The following PCDH15 variants were observed in gnomAD, a reference collection of about 807,000 sequenced individuals.
PCDH15 encodes protocadherin-15.
Under a neutral mutation model 178.5 loss-of-function variants are expected in PCDH15, and 129 were observed. That is an observed-to-expected ratio of 0.72 (90% confidence interval 0.63 to 0.84). The LOEUF (loss-of-function observed/expected upper bound fraction) is 0.84, where lower values mean the gene tolerates loss of function less well. PCDH15 is among the 40% of genes least tolerant of loss of function. PCDH15 has a pLI of 0.00. For missense variants in PCDH15, 2,230 were observed against 2,099.9 expected, an observed-to-expected ratio of 1.06 and a Z score of -1.21; for synonymous variants, 800 against 732.0, an observed-to-expected ratio of 1.09 and a Z score of -1.50.
chr10:54,574,550 T>C (rs945930947), intron 2 of PCDH15, among the ~76,000 whole-genome samples: 2 of 147,550 alleles, frequency 1.4e-5, no homozygotes, highest in Non-Finnish European at 3.0e-5. Context: ...CGTGAAAAAA[T>C]GCTCATCATC....
Position 53,973,064 on chromosome 10 carries a change from G to A in PCDH15, c.2869-11172C>T, listed in dbSNP as rs911526495. Among the ~76,000 whole-genome samples, 45 of 152,102 alleles carry A rather than the reference G, an allele frequency of 3.0e-4. 1 individual carries two copies. The highest frequency in any genetic ancestry group is 2.2e-3 in the Admixed American group (34 of 15,268). Reference sequence around the variant, plus strand: ...CCCAAATGTCCATCAATGATAGACCGGATTAAGAAAATGTGGCACATATAC... The same window carrying A: ...CCCAAATGTCCATCAATGATAGACCAGATTAAGAAAATGTGGCACATATAC... On this transcript the variant is annotated intron_variant, in intron 21 of 37. Coordinates refer to ENST00000644397, the MANE Select transcript of PCDH15 (RefSeq NM_001384140.1).
At chr10:55,443,798 G>A (rs977820230) in intron 2 of PCDH15, among the ~76,000 whole-genome samples, 1 of 152,038 alleles carries the variant, frequency 6.6e-6, no homozygotes, top group African/African-American at 2.4e-5. Context: ...ATACCCAAAG[G>A]ATTATAAATC....
At chr10:54,110,261 A>T (rs2094993232) in intron 15 of PCDH15, among the ~76,000 whole-genome samples, 1 of 151,914 alleles carries the variant, frequency 6.6e-6, no homozygotes, top group Non-Finnish European at 1.5e-5. Flanking sequence ...ACATAAATAC[A>T]ATGAAGGTAA....
chr10:53,892,835 C>A (rs553075298), intron 26 of PCDH15, among the ~76,000 whole-genome samples: 13 of 151,998 alleles, frequency 8.6e-5, no homozygotes, highest in Non-Finnish European at 1.9e-4. Context: ...GCGATATATT[C>A]TTTAAAAATA....
At position 55,471,000 on chromosome 10, in the gene PCDH15, G is replaced by A. The variant is rs188090744; in HGVS notation, c.-156+156625C>T. 5.3e-3 allele frequency among the ~76,000 whole-genome samples: 812 copies of A among 152,118 alleles called. 6 individuals carry two copies. Among genetic ancestry groups the A allele is most frequent in the Non-Finnish European group, 7.0e-3 (477 of 67,988 alleles). ...CCTTTTATGTCTTGATGGCTAATTT[G>A]TTTTTAATGCTGAATAATATTCTGT... On this transcript the variant is annotated intron_variant, in intron 2 of 5. Transcript: ENST00000613346.
At chr10:54,934,863 A>C (rs984938147) in intron 2 of PCDH15, among the ~76,000 whole-genome samples, 2 of 152,082 alleles carry the variant, frequency 1.3e-5, no homozygotes, top group African/African-American at 2.4e-5. Context: ...GATTAAGAAA[A>C]TGTGGCACAT....
At chr10:54,321,681 A>G (rs1346249166) in intron 7 of PCDH15, among the ~76,000 whole-genome samples, 2 of 151,958 alleles carry the variant, frequency 1.3e-5, no homozygotes, top group African/African-American at 2.4e-5. Context: ...ACTACTCCAT[A>G]GAATAGATAC....
intron 3 of PCDH15, among the ~76,000 whole-genome samples, chr10:54,501,803 T>C (rs1453453363): frequency 1.3e-5 from 2 of 152,208 alleles, no homozygotes; most frequent in Non-Finnish European, 2.9e-5. Flanking sequence ...GATTTTTAAA[T>C]AAGTAATATT....
intron 13 of PCDH15, among the ~76,000 whole-genome samples, chr10:54,158,779 C>T (rs950442533): frequency 1.4e-4 from 21 of 152,016 alleles, no homozygotes; most frequent in African/African-American, 3.1e-4. Flanking sequence ...AGTGTAAACA[C>T]GGTATTTTAT....
chr10:54,838,074 A>G (rs528910795), intron 3 of PCDH15, among the ~76,000 whole-genome samples: 2 of 152,100 alleles, frequency 1.3e-5, no homozygotes, highest in African/African-American at 4.8e-5. Flanking sequence ...TGTAGAATAC[A>G]TACTTGAAGG....
chr10:54,646,092 T>C (rs2094125143), intron 2 of PCDH15, among the ~76,000 whole-genome samples: 1 of 152,196 alleles, frequency 6.6e-6, no homozygotes, highest in Non-Finnish European at 1.5e-5. Flanking sequence ...GTTAATCCTC[T>C]GTTTCTCTTT....
intron 2 of PCDH15, among the ~76,000 whole-genome samples, chr10:54,576,144 TATC>T (rs1256049382): frequency 1.3e-5 from 2 of 151,836 alleles, no homozygotes; most frequent in African/African-American, 4.9e-5. Flanking sequence ...TCCATCTATC[TATC>T]TATCTACCTA....
chr10:54,979,668 CAA>C (rs57794335), intron 2 of PCDH15, among the ~76,000 whole-genome samples: 2,726 of 108,562 alleles, frequency 0.025, 45 homozygotes, highest in African/African-American at 0.082. Flanking sequence ...GACTGTGTCT[CAA>C]AAAAAAAAAA....
At chr10:54,074,110 G>A (rs565068315) in intron 17 of PCDH15, among the ~76,000 whole-genome samples, 2 of 152,318 alleles carry the variant, frequency 1.3e-5, no homozygotes, top group South Asian at 4.1e-4. Flanking sequence ...AAATGGCAAA[G>A]CAGAAAATAG....
At chr10:54,325,620 G>A (rs985115044) in intron 7 of PCDH15, among the ~76,000 whole-genome samples, 3 of 151,984 alleles carry the variant, frequency 2.0e-5, no homozygotes, top group Admixed American at 1.3e-4. Flanking sequence ...ATGGTTGCAC[G>A]CATCTGTAAT....
chr10:55,627,830 T>G (rs1837564585), intron 1 of PCDH15: 1 of 152,178 alleles, frequency 6.6e-6, no homozygotes, highest in Non-Finnish European at 1.5e-5. Context: ...GGCACCAGGG[T>G]CCCAGAAGGT....
intron 2 of PCDH15, among the ~76,000 whole-genome samples, chr10:55,018,453 T>C (rs897580991): frequency 2.0e-5 from 3 of 152,158 alleles, no homozygotes; most frequent in African/African-American, 7.2e-5. Flanking sequence ...ATTGTAATAC[T>C]GTATTCTTCT....
chr10:53,895,317 T>C (rs2081878384), intron 26 of PCDH15, among the ~76,000 whole-genome samples: 1 of 152,198 alleles, frequency 6.6e-6, no homozygotes, highest in African/African-American at 2.4e-5. Flanking sequence ...AAACCTCTCA[T>C]CACCAGTTTG....
intron 10 of PCDH15, among the ~76,000 whole-genome samples, chr10:54,197,976 A>G (rs948105111): frequency 6.6e-5 from 10 of 152,190 alleles, no homozygotes; most frequent in African/African-American, 1.9e-4. Context: ...TCTTAGTAAT[A>G]TTACATAGTT....
Sources: allele counts gnomAD v4.1 joint callset (sites outside exome capture counted in the v4.1 genomes callset), GRCh38; gene constraint gnomAD v4.1.1; transcripts MANE v1.5; gene names NCBI Gene and HGNC (gene_info 2026-07-23, HGNC 2026-07-21).